ZBTB46: variants seen among roughly 807,000 people sequenced by gnomAD.
ZBTB46 encodes zinc finger and BTB domain containing 46.
Under a neutral mutation model 44.1 loss-of-function variants are expected in ZBTB46, and 8 were observed. That is an observed-to-expected ratio of 0.18 (90% CI 0.11 to 0.33). ZBTB46 has a LOEUF of 0.33. Among genes scored for constraint, ZBTB46 ranks in the 10% least tolerant of loss-of-function variants. The probability of loss-of-function intolerance (pLI) is 1.00; values close to 1 mark genes in which losing one functional copy is unlikely to be tolerated. For synonymous variants in ZBTB46, 409 were observed against 382.3 expected, an observed-to-expected ratio of 1.07 and a Z score of -0.81; for missense variants, 651 against 847.7, an observed-to-expected ratio of 0.77 and a Z score of 2.88.
chr20:63,764,602 T>G (rs1242698217), intron 3 of ZBTB46, among the ~76,000 whole-genome samples: 1 of 124,522 alleles, frequency 8.0e-6, no homozygotes, highest in South Asian at 2.7e-4. Context: ...GCATTTTTTC[T>G]CTGTTTTTTT....
At chr20:63,755,538 T>C (rs1320672129) in intron 3 of ZBTB46, among the ~76,000 whole-genome samples, 6 of 152,204 alleles carry the variant, frequency 3.9e-5, no homozygotes, top group Admixed American at 3.9e-4. Flanking sequence ...GAGGACCTCA[T>C]TTTGAGATCC....
At chr20:63,757,194 A>G (rs6089769) in intron 3 of ZBTB46, among the ~76,000 whole-genome samples, 69,829 of 151,898 alleles carry the variant, frequency 0.46, 17,261 homozygotes, top group African/African-American at 0.63. Context: ...TGCGATCTCA[A>G]CTCACTGCAA....
chr20:63,797,035 C>T (rs1168283166), intron 1 of ZBTB46, among the ~76,000 whole-genome samples: 1 of 152,016 alleles, frequency 6.6e-6, no homozygotes, highest in Non-Finnish European at 1.5e-5. Context: ...ACTTTAAGTT[C>T]TAAGGGTACA....
chr20:63,768,933 GTCTTTACAT>G (rs1178650593), intron 3 of ZBTB46, among the ~76,000 whole-genome samples: 1 of 152,174 alleles, frequency 6.6e-6, no homozygotes, highest in Non-Finnish European at 1.5e-5. Context: ...TGAATTGAAT[GTCTTTACAT>G]TAAGGGAAAA....
At chr20:63,779,808 C>T (rs531318644) in intron 2 of ZBTB46, among the ~76,000 whole-genome samples, 1 of 152,040 alleles carries the variant, frequency 6.6e-6, no homozygotes, top group African/African-American at 2.4e-5. Context: ...GATCTGCCCA[C>T]CTCAGACTCC....
rs2092063017 is a variant in ZBTB46 at position 63,744,036 on chromosome 20, T to C, written c.*2894A>G. 1.3e-5 allele frequency: 2 copies of C among 152,404 alleles called. No individual in the cohort carries two copies. Among genetic ancestry groups the C allele is most frequent in the African/African-American group, 2.4e-5 (1 of 41,388 alleles). The allele number at this position is 152,404 out of a possible 1,614,324, so 9.4% of individuals were successfully genotyped here. A position where few individuals can be genotyped will look rare whatever the true frequency, so the allele number is the denominator to read the frequency against. On this transcript the variant is annotated 3_prime_UTR_variant, in exon 5 of 5. Coordinates refer to ENST00000245663, the MANE Select transcript of ZBTB46 (RefSeq NM_001369741.1). ...TTGAAAGCATGTTGAAAAAAATAAA[T>C]ATTTAAGAAAAGCACACACAGCACC...
intron 3 of ZBTB46, among the ~76,000 whole-genome samples, chr20:63,771,922 G>A (rs1818022228): frequency 1.3e-5 from 2 of 152,220 alleles, no homozygotes; most frequent in African/African-American, 4.8e-5. Context: ...AGGCGTCTGG[G>A]GCATCCAGTT....
At chr20:63,833,718 C>G (rs577175668), upstream of ZBTB46, among the ~76,000 whole-genome samples, 1 of 152,338 alleles carries the variant, frequency 6.6e-6, no homozygotes, top group South Asian at 2.1e-4. Context: ...AGTGACGGGA[C>G]AGAGACTCCT....
chr20:63,810,822 C>T (rs899728031), intron 1 of ZBTB46, among the ~76,000 whole-genome samples: 6 of 152,170 alleles, frequency 3.9e-5, no homozygotes, highest in African/African-American at 4.8e-5. Context: ...GGTAGGATGA[C>T]GCCACAGGAA....
intron 3 of ZBTB46, among the ~76,000 whole-genome samples, chr20:63,765,029 G>C (rs1465013421): frequency 1.5e-5 from 1 of 67,382 alleles, no homozygotes; most frequent in Admixed American, 1.6e-4. Flanking sequence ...AGTGATTCTT[G>C]TGTGTGTGTG....
intron 2 of ZBTB46, among the ~76,000 whole-genome samples, chr20:63,778,177 G>C (rs1233065620): frequency 6.6e-6 from 1 of 152,056 alleles, no homozygotes; most frequent in Non-Finnish European, 1.5e-5. Flanking sequence ...TGGGTGAGTG[G>C]GGTGTGAATC....
chr20:63,758,024 G>A (rs1264459969), intron 3 of ZBTB46, among the ~76,000 whole-genome samples: 2 of 129,062 alleles, frequency 1.5e-5, no homozygotes. Context: ...CCCATCCAGG[G>A]CTCACACTCC....
At chr20:63,747,671 C>T (rs1214975661) in intron 4 of ZBTB46, among the ~76,000 whole-genome samples, 1 of 152,040 alleles carries the variant, frequency 6.6e-6, no homozygotes, top group African/African-American at 2.4e-5. Context: ...CCTTGAGCCC[C>T]AGCTCCTATC....
At chr20:63,782,312 G>A (rs2092477758) in intron 2 of ZBTB46, among the ~76,000 whole-genome samples, 1 of 152,022 alleles carries the variant, frequency 6.6e-6, no homozygotes, top group African/African-American at 2.4e-5. Flanking sequence ...GGACCCACCA[G>A]GGCCCCGTCA....
chr20:63,807,570 C>G (rs2092689535), intron 1 of ZBTB46, among the ~76,000 whole-genome samples: 1 of 152,220 alleles, frequency 6.6e-6, no homozygotes, highest in South Asian at 2.1e-4. Context: ...GTCTCGAACT[C>G]CTGGCCTCAA....
At chr20:63,771,223 G>A (rs915660842) in intron 3 of ZBTB46, among the ~76,000 whole-genome samples, 1 of 152,228 alleles carries the variant, frequency 6.6e-6, no homozygotes. Flanking sequence ...GAGGAGAGAG[G>A]AGCCGGCGGC....
chr20:63,788,223 C>T (rs2092531584), intron 2 of ZBTB46: 2 of 152,282 alleles, frequency 1.3e-5, no homozygotes, highest in South Asian at 4.1e-4. Context: ...AGCCATCCTC[C>T]CGCCTCAGCC....
intron 3 of ZBTB46, among the ~76,000 whole-genome samples, chr20:63,765,408 T>C (rs1354189159): frequency 2.0e-5 from 3 of 152,184 alleles, no homozygotes. Flanking sequence ...ACTGGCCCCC[T>C]TCCCGGGTAG....
intron 2 of ZBTB46, among the ~76,000 whole-genome samples, chr20:63,783,691 A>C (rs924731914): frequency 3.9e-5 from 6 of 152,178 alleles, no homozygotes; most frequent in Admixed American, 3.3e-4. Context: ...GAGTGGATTA[A>C]AAGAGGCCAA....
Sources: allele counts gnomAD v4.1 joint callset (sites outside exome capture counted in the v4.1 genomes callset), GRCh38; gene constraint gnomAD v4.1.1; transcripts MANE v1.5; gene names NCBI Gene and HGNC (gene_info 2026-07-23, HGNC 2026-07-21).